Variants in PIP5K1B observed in about 807,000 individuals in gnomAD.
The protein encoded by PIP5K1B is phosphatidylinositol 4-phosphate 5-kinase type-1 beta.
PIP5K1B carries 42 observed loss-of-function variants against 67.0 expected under a neutral mutation model. That is an observed-to-expected ratio of 0.63 (90% confidence interval 0.49 to 0.81). The LOEUF (loss-of-function observed/expected upper bound fraction) is 0.81. Among genes scored for constraint, PIP5K1B ranks in the 30% least tolerant of loss-of-function variants. The pLI, the probability that PIP5K1B is intolerant of heterozygous loss-of-function variation, is 0.00. For missense variants in PIP5K1B, 459 were observed against 646.3 expected (o/e 0.71, Z 3.14); for synonymous variants, 214 against 231.4 (o/e 0.92, Z 0.68).
chr9:68,750,670 A>G (rs1037294569), intron 2 of PIP5K1B, among the ~76,000 whole-genome samples: 1 of 152,212 alleles, frequency 6.6e-6, no homozygotes, highest in Non-Finnish European at 1.5e-5. Context: ...CCTGTTCTCA[A>G]TGAGTTTGCA....
intron 4 of PIP5K1B, among the ~76,000 whole-genome samples, chr9:68,858,909 G>T (rs541894903): frequency 6.6e-6 from 1 of 152,340 alleles, no homozygotes; most frequent in African/African-American, 2.4e-5. Context: ...TCAGATCATT[G>T]CTTTTCTAAG....
At chr9:68,737,399 G>T (rs1462132007) in intron 1 of PIP5K1B, among the ~76,000 whole-genome samples, 2 of 152,188 alleles carry the variant, frequency 1.3e-5, no homozygotes, top group African/African-American at 4.8e-5. Context: ...GCTTAAGTAA[G>T]GGCATAAGGC....
In PIP5K1B at chr9:68,886,561, C is replaced by T. The variant is rs563423349; in HGVS notation, c.319-2420C>T. 1.4e-4 allele frequency among the ~76,000 whole-genome samples: 21 copies of T among 152,242 alleles called. No individual in the cohort carries two copies. In the South Asian group the frequency reaches 2.7e-3, roughly 20 times the overall value. On this transcript the variant is annotated intron_variant, in intron 6 of 15. Coordinates refer to ENST00000265382, the MANE Select transcript of PIP5K1B (RefSeq NM_003558.4). ...ACCGAGTTTTACAGTCTCTGCAACT[C>T]GAGGAAAAGGAAACAGGCAATTGCA...
At chr9:68,791,374 T>A (rs565021088) in intron 2 of PIP5K1B, among the ~76,000 whole-genome samples, 25 of 152,100 alleles carry the variant, frequency 1.6e-4, no homozygotes, top group Non-Finnish European at 3.1e-4. Flanking sequence ...AGTGAGGGGA[T>A]GATGGATGGA....
intron 14 of PIP5K1B, chr9:68,963,053 CTT>C (rs2132760923): frequency 1.1e-5 from 4 of 372,300 alleles, no homozygotes; most frequent in African/African-American, 2.1e-5. Flanking sequence ...ATGAAAGAAA[CTT>C]ATATTTGATT....
At chr9:68,924,553 T>G (rs1322101877) in intron 12 of PIP5K1B, among the ~76,000 whole-genome samples, 4 of 152,056 alleles carry the variant, frequency 2.6e-5, no homozygotes, top group African/African-American at 9.7e-5. Context: ...GCTCTTATTT[T>G]CCTTTATATT....
At chr9:68,805,265 G>T (rs1380037329) in intron 2 of PIP5K1B, among the ~76,000 whole-genome samples, 2 of 152,196 alleles carry the variant, frequency 1.3e-5, no homozygotes, top group African/African-American at 4.8e-5. Flanking sequence ...GGGAAGAATG[G>T]TGGAGGAGCG....
At chr9:68,958,628 C>T (rs760583794) in intron 14 of PIP5K1B, among the ~76,000 whole-genome samples, 6 of 152,052 alleles carry the variant, frequency 3.9e-5, no homozygotes, top group Non-Finnish European at 4.4e-5. Context: ...CTTTTTTTCT[C>T]CTATTCAATC....
Position 68,881,632 on chromosome 9 carries a change from A to G in PIP5K1B, c.318+4838A>G, listed in dbSNP as rs574303482. 4.6e-5 allele frequency among the ~76,000 whole-genome samples: 7 copies of G among 152,318 alleles called. No homozygotes were observed. The East Asian group carries it at 1.3e-3, about 29-fold the overall frequency. ...TTACTCTGTTTATGCCCTCCATCCC[A>G]TTAAAATTCACCCTGTGCATGCTGA... On this transcript the variant is annotated intron_variant, in intron 6 of 15. Coordinates refer to ENST00000265382, the MANE Select transcript of PIP5K1B (RefSeq NM_003558.4).
At chr9:68,754,171 A>ATTCCTTTTTTTTTTTT (rs1829790936) in intron 2 of PIP5K1B, among the ~76,000 whole-genome samples, 1 of 55,566 alleles carries the variant, frequency 1.8e-5, no homozygotes, top group East Asian at 7.4e-4. Context: ...ATGTTCCATG[A>ATTCCTTTTTTTTTTTT]TTTCTTTTTT....
At chr9:68,915,900 A>G (rs1432019075) in intron 8 of PIP5K1B, among the ~76,000 whole-genome samples, 1 of 152,222 alleles carries the variant, frequency 6.6e-6, no homozygotes, top group Admixed American at 6.5e-5. Context: ...CTTGAAGGCC[A>G]TATGCCATAC....
At chr9:68,891,463 GATAA>G (rs1282825977) in intron 7 of PIP5K1B, among the ~76,000 whole-genome samples, 4 of 148,956 alleles carry the variant, frequency 2.7e-5, no homozygotes, top group South Asian at 2.2e-4. Flanking sequence ...TTTAAAAAAT[GATAA>G]ATAAATCAAT....
At chr9:68,906,079 C>T (rs1217423966) in intron 8 of PIP5K1B, among the ~76,000 whole-genome samples, 1 of 152,162 alleles carries the variant, frequency 6.6e-6, no homozygotes, top group East Asian at 1.9e-4. Context: ...AGCTTGGTGG[C>T]ATGCTCATGG....
intron 14 of PIP5K1B, among the ~76,000 whole-genome samples, chr9:68,973,658 C>G (rs1829500238): frequency 6.6e-6 from 1 of 152,144 alleles, no homozygotes; most frequent in African/African-American, 2.4e-5. Flanking sequence ...TATTAGTTTA[C>G]ATATATGTGC....
intron 4 of PIP5K1B, among the ~76,000 whole-genome samples, chr9:68,837,529 A>C (rs765817469): frequency 2.0e-5 from 3 of 151,074 alleles, no homozygotes; most frequent in Non-Finnish European, 4.4e-5. Context: ...TGTAAGCACT[A>C]ATATATTTAG....
At chr9:68,935,374 A>G (rs1374962592) in intron 13 of PIP5K1B, among the ~76,000 whole-genome samples, 1 of 152,140 alleles carries the variant, frequency 6.6e-6, no homozygotes, top group Admixed American at 6.6e-5. Context: ...AAGCTGAGGC[A>G]TGAGAATCAC....
intron 15 of PIP5K1B, among the ~76,000 whole-genome samples, chr9:68,999,907 C>T (rs1049356960): frequency 7.9e-5 from 12 of 152,220 alleles, no homozygotes; most frequent in Non-Finnish European, 1.5e-4. Context: ...GGAGTTCCCA[C>T]TCCATGTACT....
chr9:68,862,048 GTAGA>G (rs1204985268), intron 4 of PIP5K1B, among the ~76,000 whole-genome samples: 1 of 152,164 alleles, frequency 6.6e-6, no homozygotes, highest in African/African-American at 2.4e-5. Flanking sequence ...TGTCAAGGAT[GTAGA>G]TAGTCGTCCT....
rs7039246 is a variant in PIP5K1B at position 68,761,667 on chromosome 9, C to T, written c.-86+19010C>T. ...CATTCCTTGGCTTATGGCCTCCTTC[C>T]GTCTTCAAAGCTGCAGTAGCTGGTT... On this transcript the variant is annotated intron_variant, in intron 2 of 15. Coordinates refer to ENST00000265382, the MANE Select transcript of PIP5K1B (RefSeq NM_003558.4). Among the ~76,000 whole-genome samples, 1,304 of 152,188 alleles carry T rather than the reference C, an allele frequency of 8.6e-3. 16 individuals carry two copies. Among genetic ancestry groups the T allele is most frequent in the African/African-American group, 0.029 (1,197 of 41,546 alleles).
Sources: gnomAD v4.1 joint callset for allele counts (sites outside exome capture counted in the v4.1 genomes callset) on GRCh38, gnomAD v4.1.1 for gene constraint, MANE v1.5 for transcripts, NCBI Gene and HGNC (gene_info 2026-07-23, HGNC 2026-07-21) for gene names.